LPXN: variants seen among roughly 807,000 people sequenced by gnomAD.
LPXN encodes the protein leupaxin.
Under a neutral mutation model 45.6 loss-of-function variants are expected in LPXN, and 28 were observed. That is an observed-to-expected ratio of 0.61 (90% confidence interval 0.45 to 0.84). The LOEUF is 0.84. Among genes scored for constraint, LPXN ranks in the 40% least tolerant of loss-of-function variants. LPXN has a pLI of 0.00. For missense variants in LPXN, 459 were observed against 475.0 expected, an observed-to-expected ratio of 0.97 and a Z score of 0.31; for synonymous variants, 166 against 169.9, an observed-to-expected ratio of 0.98 and a Z score of 0.18.
intron 2 of LPXN, among the ~76,000 whole-genome samples, chr11:58,568,391 T>G (rs1268335321): frequency 6.6e-6 from 1 of 152,044 alleles, no homozygotes; most frequent in Admixed American, 6.6e-5. Flanking sequence ...TCACCTGAGG[T>G]CAGGAGTACA....
chr11:58,541,940 A>G (rs1853737296), intron 7 of LPXN, among the ~76,000 whole-genome samples: 1 of 152,030 alleles, frequency 6.6e-6, no homozygotes. Context: ...TATCTCAAGG[A>G]CAAAAAACCA....
At chr11:58,529,505 G>T (rs1853321712) in intron 7 of LPXN, among the ~76,000 whole-genome samples, 1 of 151,606 alleles carries the variant, frequency 6.6e-6, no homozygotes, top group African/African-American at 2.4e-5. Context: ...AGCTACTTGG[G>T]AGGCTGAGGC....
chr11:58,575,994 A>T (rs1000762212), upstream of LPXN: 2 of 1,357,092 alleles, frequency 1.5e-6, no homozygotes, highest in Admixed American at 6.1e-5. Flanking sequence ...TGACATAGAA[A>T]GGTAGATAGT....
At chr11:58,570,329 T>A (rs1040894307) in intron 2 of LPXN, among the ~76,000 whole-genome samples, 10 of 150,558 alleles carry the variant, frequency 6.6e-5, no homozygotes, top group Non-Finnish European at 1.3e-4. Context: ...ATAAAAAAAA[T>A]AAAAAAAATA....
Position 58,528,094 on chromosome 11 carries a change from G to A in LPXN, c.840C>T (p.Asn280=). The change falls in exon 8 of 9, where the codon AAC becomes AAT. Residue 280 remains asparagine (N), a synonymous_variant. Transcript: ENST00000395074. ...AGACAGTGTCCATGGCTGAAAGGTA[G>A]TTTTCCAACACTGGGCGATTGCAGC... ...CGGCNRPVLE[N]YLSAMDTVWH... 6.2e-7 allele frequency: 1 copy of A among 1,614,230 alleles called. No individual in the cohort carries two copies.
At chr11:58,544,653 A>C (rs550963598) in intron 7 of LPXN, among the ~76,000 whole-genome samples, 1 of 152,290 alleles carries the variant, frequency 6.6e-6, no homozygotes, top group African/African-American at 2.4e-5. Flanking sequence ...TAAATTAAGA[A>C]AGTTTCAGCT....
At chr11:58,575,988 A>G (rs1854878746), upstream of LPXN, 1 of 1,370,976 alleles carries the variant, frequency 7.3e-7, no homozygotes, top group Non-Finnish European at 9.5e-7. Context: ...TGTGACTGAC[A>G]TAGAAAGGTA....
intron 7 of LPXN, among the ~76,000 whole-genome samples, chr11:58,532,168 C>A (rs1336795439): frequency 6.6e-6 from 1 of 152,256 alleles, no homozygotes; most frequent in Non-Finnish European, 1.5e-5. Context: ...TCTTGCCAGG[C>A]CTCAGCTGCC....
At chr11:58,568,876 A>G (rs73470720) in intron 2 of LPXN, among the ~76,000 whole-genome samples, 11,350 of 152,242 alleles carry the variant, frequency 0.075, 919 homozygotes, top group African/African-American at 0.2. Context: ...TTTTACTCCA[A>G]ATGAGATGGG....
intron 7 of LPXN, among the ~76,000 whole-genome samples, chr11:58,547,203 T>C (rs372509224): frequency 1.3e-5 from 2 of 152,188 alleles, no homozygotes; most frequent in Admixed American, 6.5e-5. Flanking sequence ...AAAGAGTAAG[T>C]TATCCATGGT....
At chr11:58,549,948 T>C (rs770500825) in intron 6 of LPXN, 25 bp downstream of exon 6, 1 of 1,613,928 alleles carries the variant, frequency 6.2e-7, no homozygotes, top group Admixed American at 1.7e-5. Context: ...GACTGAAAGC[T>C]GGAGAGGAGC....
intron 7 of LPXN, among the ~76,000 whole-genome samples, chr11:58,545,136 T>C (rs373366250): frequency 2.0e-5 from 3 of 152,322 alleles, no homozygotes; most frequent in Admixed American, 2.0e-4. Flanking sequence ...ATGTCACTTT[T>C]TGTCATGTGG....
chr11:58,540,742 T>C (rs1335798442), intron 7 of LPXN, among the ~76,000 whole-genome samples: 3 of 152,180 alleles, frequency 2.0e-5, no homozygotes, highest in Admixed American at 1.3e-4. Context: ...TTAAGACACA[T>C]ATTAGAAAAT....
intron 2 of LPXN, among the ~76,000 whole-genome samples, chr11:58,569,432 A>G (rs1220178322): frequency 2.0e-5 from 3 of 151,864 alleles, no homozygotes; most frequent in Non-Finnish European, 4.4e-5. Context: ...TCTGTCGCCC[A>G]GGCTGGGATG....
intron 7 of LPXN, among the ~76,000 whole-genome samples, chr11:58,531,914 G>A (rs1395436695): frequency 2.0e-5 from 3 of 152,246 alleles, no homozygotes; most frequent in African/African-American, 4.8e-5. Flanking sequence ...GCTGAGGCTG[G>A]AGCCAGCTCC....
At chr11:58,575,866 A>T, upstream of LPXN, 1 of 1,612,602 alleles carries the variant, frequency 6.2e-7, no homozygotes, top group East Asian at 2.2e-5. Context: ...TGGATGAGAC[A>T]GCATAAGGCA....
intron 7 of LPXN, among the ~76,000 whole-genome samples, chr11:58,533,068 T>C (rs1402865346): frequency 6.6e-6 from 1 of 152,180 alleles, no homozygotes; most frequent in African/African-American, 2.4e-5. Flanking sequence ...GCTTCACTCC[T>C]GAAGCCAGCG....
intron 7 of LPXN, among the ~76,000 whole-genome samples, chr11:58,538,946 C>T (rs1013258611): frequency 6.6e-6 from 1 of 151,866 alleles, no homozygotes; most frequent in Non-Finnish European, 1.5e-5. Flanking sequence ...AAAACTGTAT[C>T]ATTATACTAT....
At position 58,549,799 on chromosome 11, in the gene LPXN, C is replaced by T. The variant is rs769625848; in HGVS notation, c.729G>A (p.Val243=). The T allele has an allele frequency of 6.2e-7, 1 of 1,614,144 alleles. No homozygotes were observed. Among genetic ancestry groups the T allele is most frequent in the Non-Finnish European group, 8.5e-7 (1 of 1,180,016 alleles). ...EHFFCSHCGE[V]FGAEGFHEKD... Reference sequence around the variant, plus strand: ...GTCGGGTCATACCTTCTGCACCAAACACCTCTCCGCAGTGAGAGCAGAAGA... The same window carrying T: ...GTCGGGTCATACCTTCTGCACCAAATACCTCTCCGCAGTGAGAGCAGAAGA... The change falls in exon 7 of 9, where the codon GTG becomes GTA. Residue 243 remains valine, a synonymous_variant. Transcript: ENST00000395074.
Sources: allele counts gnomAD v4.1 joint callset (sites outside exome capture counted in the v4.1 genomes callset), GRCh38; gene constraint gnomAD v4.1.1; transcripts MANE v1.5; gene names NCBI Gene and HGNC (gene_info 2026-07-23, HGNC 2026-07-21).